The following VRK1 variants were observed in gnomAD, a reference collection of about 807,000 sequenced individuals.
VRK1 encodes VRK serine/threonine kinase 1.
VRK1 carries 33 observed loss-of-function variants against 57.1 expected under a neutral mutation model. That is an observed-to-expected ratio of 0.58 (90% confidence interval 0.44 to 0.77). The LOEUF is 0.77. Ranked by LOEUF, VRK1 falls within the 30% of genes least tolerant of loss-of-function variation. VRK1 has a pLI of 0.00. For missense variants in VRK1, 413 were observed against 477.3 expected, an observed-to-expected ratio of 0.87 and a Z score of 1.25; for synonymous variants, 137 against 147.8, an observed-to-expected ratio of 0.93 and a Z score of 0.53.
At chr14:96,823,670 G>T (rs139331778) in intron 1 of VRK1, among the ~76,000 whole-genome samples, 226 of 152,282 alleles carry the variant, frequency 1.5e-3, no homozygotes, top group Non-Finnish European at 2.1e-3. Flanking sequence ...CCATTTTTAA[G>T]TGTACACAGT....
intron 5 of VRK1, among the ~76,000 whole-genome samples, 156 bp downstream of exon 5, chr14:96,847,500 C>T (rs1246715029): frequency 6.6e-6 from 1 of 152,178 alleles, no homozygotes; most frequent in Admixed American, 6.5e-5. Flanking sequence ...AAGATGTTAT[C>T]TCTGTCCTCT....
At chr14:96,805,196 G>A (rs1885823416) in intron 1 of VRK1, among the ~76,000 whole-genome samples, 1 of 152,196 alleles carries the variant, frequency 6.6e-6, no homozygotes, top group Non-Finnish European at 1.5e-5. Flanking sequence ...AGAGAATGAT[G>A]ATGACCAGCT....
chr14:96,858,520 C>T (rs762545324), intron 10 of VRK1, among the ~76,000 whole-genome samples: 5 of 152,136 alleles, frequency 3.3e-5, no homozygotes, highest in African/African-American at 9.7e-5. Flanking sequence ...TTGCAGCTTG[C>T]CAATTATGCA....
chr14:96,800,996 C>T (rs1595632286), intron 1 of VRK1, among the ~76,000 whole-genome samples: 1 of 152,092 alleles, frequency 6.6e-6, no homozygotes, highest in Non-Finnish European at 1.5e-5. Context: ...GTTGGTCCTG[C>T]AGGGGACTAA....
At chr14:96,827,586 C>T (rs1467069145) in intron 1 of VRK1, among the ~76,000 whole-genome samples, 1 of 152,158 alleles carries the variant, frequency 6.6e-6, no homozygotes, top group African/African-American at 2.4e-5. Context: ...GTCACTGCCA[C>T]AGTCTGTCCA....
intron 1 of VRK1, among the ~76,000 whole-genome samples, chr14:96,807,571 T>A (rs549724023): frequency 6.6e-6 from 1 of 152,358 alleles, no homozygotes; most frequent in African/African-American, 2.4e-5. Flanking sequence ...AACACTTTTC[T>A]TCTGTGAGTT....
At chr14:96,855,462 G>C in intron 8 of VRK1, 106 bp downstream of exon 8, 1 of 1,556,370 alleles carries the variant, frequency 6.4e-7, no homozygotes, top group Non-Finnish European at 8.8e-7. Context: ...AATAAAAATT[G>C]AAAAGGCACA....
intron 1 of VRK1, among the ~76,000 whole-genome samples, chr14:96,810,268 G>C (rs767232982): frequency 2.0e-5 from 3 of 152,068 alleles, no homozygotes; most frequent in Non-Finnish European, 4.4e-5. Flanking sequence ...CTGTCTTACA[G>C]CTTGTCATTT....
intron 11 of VRK1, among the ~76,000 whole-genome samples, chr14:96,861,101 A>G (rs1050604329): frequency 6.6e-6 from 1 of 152,156 alleles, no homozygotes; most frequent in Admixed American, 6.5e-5. Context: ...CAGAGTATTT[A>G]CCAGTTGAAA....
chr14:96,848,127 AGGGCCCAGGTT>A (rs1420616554), intron 5 of VRK1, among the ~76,000 whole-genome samples: 3 of 152,172 alleles, frequency 2.0e-5, no homozygotes, highest in African/African-American at 4.8e-5. Flanking sequence ...GCAGTCATCA[AGGGCCCAGGTT>A]CCTTATCTTG....
At chr14:96,869,524 T>C (rs1203066072) in intron 11 of VRK1, among the ~76,000 whole-genome samples, 1 of 152,188 alleles carries the variant, frequency 6.6e-6, no homozygotes, top group East Asian at 1.9e-4. Flanking sequence ...AAAAGTTGAT[T>C]TTTGCAGTGA....
At chr14:96,854,726 G>A (rs1386009365) in intron 7 of VRK1, among the ~76,000 whole-genome samples, 2 of 152,100 alleles carry the variant, frequency 1.3e-5, no homozygotes, top group Non-Finnish European at 2.9e-5. Flanking sequence ...AAAGTAAATT[G>A]AAATTTGATT....
intron 1 of VRK1, among the ~76,000 whole-genome samples, chr14:96,817,648 G>A (rs1433965429): frequency 6.6e-6 from 1 of 152,124 alleles, no homozygotes; most frequent in Non-Finnish European, 1.5e-5. Context: ...TGTTCTATCA[G>A]ATCTATTGAT....
chr14:96,834,914 T>G (rs879799833), intron 2 of VRK1, among the ~76,000 whole-genome samples: 4 of 152,226 alleles, frequency 2.6e-5, no homozygotes, highest in Non-Finnish European at 5.9e-5. Context: ...TGTGGACTTA[T>G]GCCATCCTGT....
At chr14:96,852,023 A>G (rs912505083) in intron 5 of VRK1, among the ~76,000 whole-genome samples, 2 of 152,242 alleles carry the variant, frequency 1.3e-5, no homozygotes, top group Non-Finnish European at 2.9e-5. Flanking sequence ...CTGGAAAACT[A>G]TTGAAGATAA....
At chr14:96,823,832 T>A (rs1180176416) in intron 1 of VRK1, among the ~76,000 whole-genome samples, 1 of 152,234 alleles carries the variant, frequency 6.6e-6, no homozygotes, top group Admixed American at 6.5e-5. Context: ...TCAAGATTCA[T>A]CTGTGGTGTA....
intron 11 of VRK1, among the ~76,000 whole-genome samples, chr14:96,862,077 G>A (rs949176748): frequency 1.8e-4 from 26 of 147,824 alleles, no homozygotes; most frequent in Non-Finnish European, 3.1e-4. Context: ...ACCTCCCTCC[G>A]CCCAACCCCC....
At chr14:96,879,070 A>G (rs1223088378) in intron 12 of VRK1, among the ~76,000 whole-genome samples, 1 of 152,166 alleles carries the variant, frequency 6.6e-6, no homozygotes, top group East Asian at 1.9e-4. Context: ...GAACCCTACA[A>G]AGAAATTTCC....
intron 11 of VRK1, among the ~76,000 whole-genome samples, chr14:96,862,378 C>T (rs929688894): frequency 6.6e-6 from 1 of 152,134 alleles, no homozygotes; most frequent in African/African-American, 2.4e-5. Context: ...CATTAGTTTA[C>T]TACTTTTTGT....
Sources: allele counts gnomAD v4.1 joint callset (sites outside exome capture counted in the v4.1 genomes callset), GRCh38; gene constraint gnomAD v4.1.1; transcripts MANE v1.5; gene names NCBI Gene and HGNC (gene_info 2026-07-23, HGNC 2026-07-21).